The following EPM2A variants were observed in gnomAD, a reference collection of about 807,000 sequenced individuals.
EPM2A encodes the protein laforin.
In EPM2A, 21 loss-of-function variants were observed where a neutral mutation model predicts 26.5. The observed-to-expected ratio is 0.79, with a 90% CI of 0.56 to 1.14. The LOEUF (loss-of-function observed/expected upper bound fraction) is 1.14, where lower values mean the gene tolerates loss of function less well. Ranked by LOEUF, EPM2A falls within the 50% of genes most tolerant of loss-of-function variation. The probability of loss-of-function intolerance (pLI) is 0.00; values close to 1 mark genes in which losing one functional copy is unlikely to be tolerated. For missense variants in EPM2A, 458 were observed against 440.8 expected (o/e 1.04, Z -0.35); for synonymous variants, 217 against 177.6 (o/e 1.22, Z -1.76).
chr6:145,426,705 CAGAG>C (rs1300221498), intron 4 of EPM2A, among the ~76,000 whole-genome samples: 1 of 152,070 alleles, frequency 6.6e-6, no homozygotes. Context: ...CTGTAAAACT[CAGAG>C]AGGCAAAGAA....
chr6:145,618,255 G>A (rs946338794), intron 2 of EPM2A, among the ~76,000 whole-genome samples: 2 of 152,128 alleles, frequency 1.3e-5, no homozygotes, highest in Admixed American at 6.5e-5. Flanking sequence ...CCAGGCAGAG[G>A]AAAAAATATG....
chr6:145,611,122 C>T (rs557704224), intron 2 of EPM2A, among the ~76,000 whole-genome samples: 9 of 152,070 alleles, frequency 5.9e-5, no homozygotes, highest in South Asian at 2.1e-4. Context: ...AAATAGACCA[C>T]GAACAGATAA....
chr6:145,540,482 C>A (rs1403664445), intron 2 of EPM2A, among the ~76,000 whole-genome samples: 1 of 152,120 alleles, frequency 6.6e-6, no homozygotes, highest in Admixed American at 6.5e-5. Flanking sequence ...ATCGCTAACC[C>A]AATAACAACC....
At chr6:145,553,482 A>G (rs1780682248) in intron 2 of EPM2A, among the ~76,000 whole-genome samples, 1 of 152,050 alleles carries the variant, frequency 6.6e-6, no homozygotes, top group Admixed American at 6.6e-5. Flanking sequence ...ATGGAAGGAC[A>G]TTTGTGCTGT....
chr6:145,390,587 T>TCTCTCTCTCTCTCTG (rs1562317071), intron 4 of EPM2A, among the ~76,000 whole-genome samples: 1 of 92,292 alleles, frequency 1.1e-5, no homozygotes, highest in African/African-American at 3.5e-5. Flanking sequence ...CTCTCTCTCT[T>TCTCTCTCTCTCTCTG]TCTTTCTCTC....
At chr6:145,537,190 G>T (rs1447602447) in intron 2 of EPM2A, among the ~76,000 whole-genome samples, 1 of 152,178 alleles carries the variant, frequency 6.6e-6, no homozygotes, top group Non-Finnish European at 1.5e-5. Context: ...TTTATAGGAG[G>T]CTAGTTTCCT....
At chr6:145,512,568 C>T (rs1214869301) in intron 2 of EPM2A, among the ~76,000 whole-genome samples, 5 of 151,398 alleles carry the variant, frequency 3.3e-5, no homozygotes, top group African/African-American at 1.2e-4. Context: ...AAAAATTAGC[C>T]GGCTGTGGTG....
chr6:145,384,817 C>G lies in EPM2A; in HGVS notation c.556-720G>C, dbSNP rs1326895535. Reference sequence around the variant, plus strand: ...AAAAAGCAGTTCTATTTACCACTTTCTCTGTATTTCATAGAAGAAAGAGCA... The same window carrying G: ...AAAAAGCAGTTCTATTTACCACTTTGTCTGTATTTCATAGAAGAAAGAGCA... On this transcript the variant is annotated intron_variant, in intron 4 of 4. Coordinates refer to the EPM2A transcript ENST00000638717. Among the ~76,000 whole-genome samples, 2 of 147,728 alleles carry G rather than the reference C, an allele frequency of 1.4e-5. 1 individual carries two copies. Among genetic ancestry groups the G allele is most frequent in the African/African-American group, 5.0e-5 (2 of 39,876 alleles).
chr6:145,712,480 C>T (rs1233977991), intron 1 of EPM2A, among the ~76,000 whole-genome samples: 1 of 152,064 alleles, frequency 6.6e-6, no homozygotes, highest in South Asian at 2.1e-4. Flanking sequence ...TGAAACATGA[C>T]TTTACCAGTA....
At chr6:145,436,145 C>T (rs1237770360) in intron 4 of EPM2A, among the ~76,000 whole-genome samples, 8 of 152,300 alleles carry the variant, frequency 5.3e-5, no homozygotes, top group Middle Eastern at 3.4e-3. Context: ...ATCACCTTAC[C>T]GGCTCATCCA....
chr6:145,533,725 A>G (rs1008435001), intron 2 of EPM2A, among the ~76,000 whole-genome samples: 2 of 152,078 alleles, frequency 1.3e-5, no homozygotes, highest in African/African-American at 4.8e-5. Flanking sequence ...AAGTAACTCC[A>G]ATCATCCTTC....
At chr6:145,633,086 C>T (rs1287271009) in intron 3 of EPM2A, among the ~76,000 whole-genome samples, 1 of 152,200 alleles carries the variant, frequency 6.6e-6, no homozygotes, top group Non-Finnish European at 1.5e-5. Context: ...AGTTTTCCCT[C>T]AGGCTTCTGC....
chr6:145,654,789 G>A lies in EPM2A; in HGVS notation c.477-19303C>T, dbSNP rs186968688. On this transcript the variant is annotated intron_variant, in intron 2 of 3. Coordinates refer to ENST00000367519, the MANE Select transcript of EPM2A (RefSeq NM_005670.4). ...TAATATTAACACAAAATCTATTTCC[G>A]TTTAGTTTGAGTCCTGTATTTCAAT... Among the ~76,000 whole-genome samples, 11 of 152,222 alleles carry A rather than the reference G, an allele frequency of 7.2e-5. No individual in the cohort carries two copies. In the East Asian group the frequency reaches 7.7e-4, roughly 11 times the overall value.
At chr6:145,561,865 A>G (rs1273296818) in intron 2 of EPM2A, among the ~76,000 whole-genome samples, 1 of 152,130 alleles carries the variant, frequency 6.6e-6, no homozygotes, top group Admixed American at 6.5e-5. Context: ...ACACATGGAC[A>G]CAGGAAGGGC....
intron 1 of EPM2A, among the ~76,000 whole-genome samples, chr6:145,698,773 G>A (rs1448152460): frequency 6.6e-6 from 1 of 152,022 alleles, no homozygotes; most frequent in African/African-American, 2.4e-5. Flanking sequence ...TTTAAACATA[G>A]GACCTTAATT....
chr6:145,621,102 CA>C (rs1775623803), downstream of EPM2A, among the ~76,000 whole-genome samples: 1 of 152,178 alleles, frequency 6.6e-6, no homozygotes, highest in South Asian at 2.1e-4. Flanking sequence ...CTCTTTCCTC[CA>C]ACTTCTCAGC....
chr6:145,403,091 T>G (rs1035182716), intron 4 of EPM2A, among the ~76,000 whole-genome samples: 1 of 152,100 alleles, frequency 6.6e-6, no homozygotes, highest in African/African-American at 2.4e-5. Flanking sequence ...TTTAAAATAT[T>G]TTAAAACTTT....
intron 1 of EPM2A, among the ~76,000 whole-genome samples, chr6:145,693,736 G>A (rs1033894022): frequency 1.3e-5 from 2 of 151,894 alleles, no homozygotes; most frequent in Admixed American, 6.6e-5. Flanking sequence ...CATATAAATC[G>A]CTCACTATGT....
chr6:145,668,376 A>G (rs922137032), intron 2 of EPM2A, among the ~76,000 whole-genome samples: 1 of 152,202 alleles, frequency 6.6e-6, no homozygotes, highest in Non-Finnish European at 1.5e-5. Context: ...AGATCTTTTT[A>G]AAAAATGGCA....
Sources: gnomAD v4.1 joint callset for allele counts (sites outside exome capture counted in the v4.1 genomes callset) on GRCh38, gnomAD v4.1.1 for gene constraint, MANE v1.5 for transcripts, NCBI Gene and HGNC (gene_info 2026-07-23, HGNC 2026-07-21) for gene names.